The following SCG5 variants were observed in gnomAD, a reference collection of about 807,000 sequenced individuals.
SCG5 encodes secretogranin V, also known as neuroendocrine protein 7B2.
SCG5 carries 18 observed loss-of-function variants against 25.7 expected under a neutral mutation model. The observed-to-expected ratio is 0.70, with a 90% CI of 0.48 to 1.04. The LOEUF is 1.04. Ranked by LOEUF, SCG5 falls within the 50% of genes least tolerant of loss-of-function variation. The pLI is 0.00. For synonymous variants in SCG5, 101 were observed against 91.7 expected, an observed-to-expected ratio of 1.10 and a Z score of -0.58; for missense variants, 206 against 259.8, an observed-to-expected ratio of 0.79 and a Z score of 1.42.
intron 2 of SCG5, among the ~76,000 whole-genome samples, chr15:32,654,236 G>A (rs2054077416): frequency 6.6e-6 from 1 of 152,204 alleles, no homozygotes; most frequent in African/African-American, 2.4e-5. Context: ...AGTTCTGGAG[G>A]CTGGGAAGTC....
chr15:32,649,787 G>GA (rs944081475), intron 2 of SCG5, among the ~76,000 whole-genome samples: 4 of 151,700 alleles, frequency 2.6e-5, no homozygotes, highest in East Asian at 3.9e-4. Context: ...GGCATTACAT[G>GA]AAAAAAAAGA....
intron 3 of SCG5, among the ~76,000 whole-genome samples, chr15:32,680,315 CCTCCCG>C (rs1489693211): frequency 2.6e-5 from 4 of 151,482 alleles, no homozygotes; most frequent in African/African-American, 9.7e-5. Context: ...CCTGCCTCAG[CCTCCCG>C]AGTACCTGGG....
chr15:32,653,178 T>A (rs1388898861), intron 2 of SCG5, among the ~76,000 whole-genome samples: 1 of 152,234 alleles, frequency 6.6e-6, no homozygotes, highest in Non-Finnish European at 1.5e-5. Context: ...GGCTTAGTAA[T>A]TCTAAACAGT....
chr15:32,660,002 G>A (rs765511104), intron 2 of SCG5, among the ~76,000 whole-genome samples: 1 of 152,228 alleles, frequency 6.6e-6, no homozygotes, highest in Non-Finnish European at 1.5e-5. Flanking sequence ...GCTATGGTCT[G>A]AAAATGTTTG....
intron 2 of SCG5, among the ~76,000 whole-genome samples, chr15:32,650,688 T>A (rs1274692693): frequency 6.6e-6 from 1 of 152,158 alleles, no homozygotes; most frequent in Non-Finnish European, 1.5e-5. Flanking sequence ...CTTGGATGAA[T>A]CCAACCAGAA....
rs4780032 is a variant in SCG5 at position 32,686,447 on chromosome 15, A to G, written c.489+1778A>G. On this transcript the variant is annotated intron_variant, in intron 4 of 5. Coordinates refer to ENST00000300175, the MANE Select transcript of SCG5 (RefSeq NM_001144757.3). ...AGACATTTTAAAGGGGGAAAAACTA[A>G]CTAGAATTGGTATACGGAATAAATA... is the stretch of plus-strand genomic sequence containing the variant. 2.1e-3 allele frequency among the ~76,000 whole-genome samples: 325 copies of G among 152,328 alleles called. 1 individual carries two copies. Among genetic ancestry groups the G allele is most frequent in the African/African-American group, 7.4e-3 (306 of 41,566 alleles).
At chr15:32,689,421 T>C (rs953633982) in intron 4 of SCG5, among the ~76,000 whole-genome samples, 5 of 152,174 alleles carry the variant, frequency 3.3e-5, no homozygotes, top group Non-Finnish European at 7.3e-5. Context: ...CCTTGCACTT[T>C]CCTTCCTAGC....
At chr15:32,645,375 C>G (rs2053926160) in intron 2 of SCG5, among the ~76,000 whole-genome samples, 1 of 152,158 alleles carries the variant, frequency 6.6e-6, no homozygotes, top group Admixed American at 6.5e-5. Flanking sequence ...CTCCAGTATC[C>G]AACTATTTAG....
chr15:32,647,804 G>A (rs2053967628), intron 2 of SCG5, among the ~76,000 whole-genome samples: 2 of 152,116 alleles, frequency 1.3e-5, no homozygotes, highest in African/African-American at 4.8e-5. Flanking sequence ...AATAAGTATT[G>A]GGCTTTCCTT....
At position 32,692,180 on chromosome 15, in the gene SCG5, C is replaced by T. The variant is rs2054870554; in HGVS notation, c.543+417C>T. The T allele has an allele frequency of 3.9e-6, 4 of 1,018,592 alleles. No homozygotes were observed. The African/African-American group carries it at 6.8e-5, about 17-fold the overall frequency. 63.1% of individuals were successfully genotyped at this position (1,018,592 alleles called of 1,614,324 possible). A position where few individuals can be genotyped will look rare whatever the true frequency, so the allele number is the denominator to read the frequency against. ...ACAGAAACAGGGAAGTGCTGAACTG[C>T]ATGCTCCAGGAAATAACTTTGAAGG... On this transcript the variant is annotated intron_variant, in intron 5 of 5. Transcript: ENST00000300175.
At chr15:32,666,627 G>C (rs1316164418) in intron 2 of SCG5, 1 of 152,174 alleles carries the variant, frequency 6.6e-6, no homozygotes, top group African/African-American at 2.4e-5. Context: ...ACTTGTTCAG[G>C]ACCACATATG....
chr15:32,692,410 T>C, intron 5 of SCG5: 1 of 271,376 alleles, frequency 3.7e-6, no homozygotes, highest in South Asian at 1.4e-4. Context: ...AGCTACTTCA[T>C]ATACAGTGTT....
chr15:32,687,823 A>C (rs760268267), intron 4 of SCG5, among the ~76,000 whole-genome samples: 1 of 152,244 alleles, frequency 6.6e-6, no homozygotes, highest in Non-Finnish European at 1.5e-5. Context: ...TTAACGACAC[A>C]TCATATGCCT....
intron 5 of SCG5, among the ~76,000 whole-genome samples, chr15:32,696,124 T>C (rs2054955154): frequency 6.6e-6 from 1 of 152,070 alleles, no homozygotes. Flanking sequence ...TTTTCTTTTT[T>C]CTTTTTTTTT....
chr15:32,686,186 G>A (rs1371944607), intron 4 of SCG5, among the ~76,000 whole-genome samples: 2 of 152,134 alleles, frequency 1.3e-5, no homozygotes, highest in Non-Finnish European at 1.5e-5. Context: ...TTGGTTTGTG[G>A]AGCCACTTTC....
At chr15:32,689,103 G>T (rs1024786393) in intron 4 of SCG5, among the ~76,000 whole-genome samples, 1 of 152,060 alleles carries the variant, frequency 6.6e-6, no homozygotes, top group Non-Finnish European at 1.5e-5. Context: ...GATGATAGCT[G>T]CAAAATGATG....
rs530756121 is a variant in SCG5 at position 32,651,386 on chromosome 15, C to G, written c.226+7568C>G. On this transcript the variant is annotated intron_variant, in intron 2 of 5. Coordinates refer to ENST00000300175, the MANE Select transcript of SCG5 (RefSeq NM_001144757.3). ...AGCCTCTACTCTGCCAAGCTTTGGCCTTGGTAAAGGAGCTGCAGTGCCTCC... is the reference window on the plus strand; with the variant it reads ...AGCCTCTACTCTGCCAAGCTTTGGCGTTGGTAAAGGAGCTGCAGTGCCTCC... Among the ~76,000 whole-genome samples the G allele has an allele frequency of 2.0e-5, 3 of 152,276 alleles. No homozygotes were observed. In the South Asian group the frequency reaches 6.2e-4, roughly 32 times the overall value.
intron 2 of SCG5, among the ~76,000 whole-genome samples, chr15:32,650,437 T>C (rs1219040657): frequency 6.6e-6 from 1 of 152,188 alleles, no homozygotes; most frequent in Admixed American, 6.5e-5. Flanking sequence ...CAGTTAGCAA[T>C]ACAGTTCAGA....
intron 2 of SCG5, among the ~76,000 whole-genome samples, chr15:32,646,310 G>C (rs1037881134): frequency 6.6e-6 from 1 of 152,174 alleles, no homozygotes; most frequent in African/African-American, 2.4e-5. Flanking sequence ...CAGAGGTGTC[G>C]TCTTGGCTGC....
Sources: allele counts gnomAD v4.1 joint callset (sites outside exome capture counted in the v4.1 genomes callset), GRCh38; gene constraint gnomAD v4.1.1; transcripts MANE v1.5; gene names NCBI Gene and HGNC (gene_info 2026-07-23, HGNC 2026-07-21).